The following HMOX1 variants were observed in gnomAD, a reference collection of about 807,000 sequenced individuals.
The protein encoded by HMOX1 is heat shock protein, 32-kD.
In HMOX1, 22 loss-of-function variants were observed where a neutral mutation model predicts 27.8. The ratio of observed to expected loss-of-function variants is 0.79; its 90% CI spans 0.57 to 1.13. HMOX1 has a LOEUF of 1.13. Among genes scored for constraint, HMOX1 ranks in the 50% most tolerant of loss-of-function variants. The probability of loss-of-function intolerance (pLI) is 0.00; values close to 1 mark genes in which losing one functional copy is unlikely to be tolerated. For synonymous variants in HMOX1, 153 were observed against 151.6 expected (o/e 1.01, Z -0.07); for missense variants, 379 against 377.7 (o/e 1.00, Z -0.03).
rs987873847 is a variant in HMOX1 at position 35,390,031 on chromosome 22, G to A, written c.736+68G>A. 55 of 1,037,434 alleles carry A rather than the reference G, an allele frequency of 5.3e-5. No homozygotes were observed. In the African/African-American group the frequency reaches 7.0e-4, roughly 13 times the overall value. The allele number at this position is 1,037,434 out of a possible 1,614,324, so 64.3% of individuals were successfully genotyped here. ...GGAGGGACTTGGCTGTCTGACTGTA[G>A]TATCTCTATTCCTCTGTTTTCTGAA... On this transcript the variant is annotated intron_variant, in intron 4 of 4. Coordinates refer to ENST00000216117, the MANE Select transcript of HMOX1 (RefSeq NM_002133.3).
Position 35,383,622 on chromosome 22 carries a change from C to T in HMOX1, c.144+396C>T, listed in dbSNP as rs191683191. Reference sequence around the variant, plus strand: ...GGAAAAGGCTGAAATCAACCAAGACCGATTTCAGCCTTGTACTCCTTGTAT... The same window carrying T: ...GGAAAAGGCTGAAATCAACCAAGACTGATTTCAGCCTTGTACTCCTTGTAT... On this transcript the variant is annotated intron_variant, in intron 2 of 4. Coordinates refer to ENST00000216117, the MANE Select transcript of HMOX1 (RefSeq NM_002133.3). Among the ~76,000 whole-genome samples the T allele has an allele frequency of 4.6e-5, 7 of 152,240 alleles. No individual in the cohort carries two copies. In the East Asian group the frequency reaches 9.6e-4, roughly 21 times the overall value.
At chr22:35,386,634 G>A in intron 2 of HMOX1, 51 bp from the exon 3 acceptor site, 1 of 1,613,040 alleles carries the variant, frequency 6.2e-7, no homozygotes, top group Non-Finnish European at 8.5e-7. Context: ...ACGGACAGAG[G>A]TGGGGGTCTT....
At chr22:35,385,501 A>G (rs1390091473) in intron 2 of HMOX1, among the ~76,000 whole-genome samples, 2 of 146,116 alleles carry the variant, frequency 1.4e-5, no homozygotes, top group African/African-American at 2.6e-5. Context: ...GTACAGTGAT[A>G]TGATCACAGC....
Position 35,389,284 on chromosome 22 carries a change from TC to T in HMOX1, c.637-579del, listed in dbSNP as rs1160586328. Among the ~76,000 whole-genome samples, 148 of 108,918 alleles carry T rather than the reference TC, an allele frequency of 1.4e-3. 16 individuals are homozygous for T. The highest frequency in any genetic ancestry group is 4.1e-3 in the African/African-American group (89 of 21,614). 71.5% of individuals were successfully genotyped at this position (108,918 alleles called of 152,430 possible). On this transcript the variant is annotated intron_variant, in intron 3 of 4. Coordinates refer to ENST00000216117, the MANE Select transcript of HMOX1 (RefSeq NM_002133.3). Reference sequence around the variant, plus strand: ...TCTCTCTCTCTCTCTCCTCTCTCTCTCTCTCTTCTTTCTTCTTTCTTTCTTT... The same window carrying T: ...TCTCTCTCTCTCTCTCCTCTCTCTCTTCTCTTCTTTCTTCTTTCTTTCTTT...
At chr22:35,382,948 G>A (rs1357605116) in intron 1 of HMOX1, among the ~76,000 whole-genome samples, 158 bp from the exon 2 acceptor site, 2 of 152,150 alleles carry the variant, frequency 1.3e-5, no homozygotes, top group Admixed American at 6.5e-5. Context: ...GTGAGCCACC[G>A]TGCCCAGCCA....
At chr22:35,385,684 C>T (rs945980218) in intron 2 of HMOX1, among the ~76,000 whole-genome samples, 5 of 147,234 alleles carry the variant, frequency 3.4e-5, no homozygotes, top group African/African-American at 1.0e-4. Flanking sequence ...GGCGTGATCT[C>T]GGCTCACTGC....
At chr22:35,382,978 G>T (rs772141553) in intron 1 of HMOX1, 128 bp from the exon 2 acceptor site, 6 of 1,321,374 alleles carry the variant, frequency 4.5e-6, no homozygotes, top group African/African-American at 1.5e-5. Context: ...ATCTTAAAGC[G>T]ATTGAGAACG....
At chr22:35,390,436 C>A in intron 4 of HMOX1, 1 of 221,950 alleles carries the variant, frequency 4.5e-6, no homozygotes, top group South Asian at 6.4e-5. Context: ...ACCATGTTGG[C>A]CAGGCTGGTC....
At chr22:35,389,031 C>T (rs548594381) in intron 3 of HMOX1, among the ~76,000 whole-genome samples, 25 of 152,248 alleles carry the variant, frequency 1.6e-4, no homozygotes, top group African/African-American at 4.3e-4. Context: ...AAACAAGCAA[C>T]GCAGCCTTTT....
chr22:35,389,954 A>G lies in HMOX1; in HGVS notation c.727A>G (p.Lys243Glu), dbSNP rs2145770929. ...AGGGCTTCGCCAGCGGGCCAGCAACAAAGTGCAAGGTGAGAGCATCCAGGA... is the reference window on the plus strand; with the variant it reads ...AGGGCTTCGCCAGCGGGCCAGCAACGAAGTGCAAGGTGAGAGCATCCAGGA... ...APGLRQRASN[K>E]VQDSAPVETP... The change falls in exon 4 of 5, where the codon AAA becomes GAA. Residue 243 changes from lysine to glutamate, a missense_variant. Coordinates refer to ENST00000216117, the MANE Select transcript of HMOX1 (RefSeq NM_002133.3). 1.9e-6 allele frequency: 3 copies of G among 1,610,454 alleles called. No homozygotes were observed. Among genetic ancestry groups the G allele is most frequent in the East Asian group, 4.5e-5 (2 of 44,856 alleles).
chr22:35,381,464 CA>C, intron 1 of HMOX1: 1 of 539,748 alleles, frequency 1.9e-6, no homozygotes, highest in Non-Finnish European at 3.3e-6. Context: ...TTGAGGTAGC[CA>C]ATTTTTTTTT....
At chr22:35,381,895 A>G (rs1931394869) in intron 1 of HMOX1, among the ~76,000 whole-genome samples, 1 of 152,086 alleles carries the variant, frequency 6.6e-6, no homozygotes, top group South Asian at 2.1e-4. Flanking sequence ...ACAGGGAAGC[A>G]GGGCAGGAGA....
At position 35,388,484 on chromosome 22, in the gene HMOX1, C is replaced by CA. The variant is rs965782026; in HGVS notation, c.636+1317dup. On this transcript the variant is annotated intron_variant, in intron 3 of 4. Coordinates refer to ENST00000216117, the MANE Select transcript of HMOX1 (RefSeq NM_002133.3). ...AAAACCAAAAAAACAAAAACAAAAA[C>CA]AAAAAAAAACGGCTCTTGGCTGGCC... Among the ~76,000 whole-genome samples the CA allele has an allele frequency of 2.9e-4, 41 of 143,188 alleles. 1 individual carries two copies. The highest frequency in any genetic ancestry group is 1.8e-3 in the Admixed American group (26 of 14,360). The allele number at this position is 143,188 out of a possible 152,430, so 93.9% of individuals were successfully genotyped here. A position where few individuals can be genotyped will look rare whatever the true frequency, so the allele number is the denominator to read the frequency against.
In HMOX1 at chr22:35,394,185, A is replaced by G. The variant is rs1931800937; in HGVS notation, c.*587A>G. ...CTTGGTCTAACTTTTGTGTGAAATA[A>G]TAAACAACATTGTCTGATAGTAGCT... On this transcript the variant is annotated 3_prime_UTR_variant, in exon 5 of 5. Coordinates refer to ENST00000216117, the MANE Select transcript of HMOX1 (RefSeq NM_002133.3). 1 of 172,920 alleles carries G rather than the reference A, an allele frequency of 5.8e-6. No homozygotes were observed. The allele number at this position is 172,920 out of a possible 1,614,324, so 10.7% of individuals were successfully genotyped here.
In HMOX1 at chr22:35,390,022, C is replaced by G. The variant is rs9619539; in HGVS notation, c.736+59C>G. Reference sequence around the variant, plus strand: ...GCTACACATGGAGGGACTTGGCTGTCTGACTGTAGTATCTCTATTCCTCTG... The same window carrying G: ...GCTACACATGGAGGGACTTGGCTGTGTGACTGTAGTATCTCTATTCCTCTG... On this transcript the variant is annotated intron_variant, in intron 4 of 4. Coordinates refer to ENST00000216117, the MANE Select transcript of HMOX1 (RefSeq NM_002133.3). The G allele has an allele frequency of 1.7e-3, 1,765 of 1,030,280 alleles. 20 individuals are homozygous for G. In the African/African-American group the frequency reaches 0.025, roughly 15 times the overall value. The allele number at this position is 1,030,280 out of a possible 1,614,324, so 63.8% of individuals were successfully genotyped here.
chr22:35,381,331 T>C (rs1601738525), intron 1 of HMOX1, 135 bp downstream of exon 1: 4 of 1,033,094 alleles, frequency 3.9e-6, no homozygotes, highest in Non-Finnish European at 5.7e-6. Context: ...AGTCAGGAGG[T>C]GCGGGGTTCT....
chr22:35,381,424 A>G, intron 1 of HMOX1: 1 of 604,018 alleles, frequency 1.7e-6, no homozygotes, highest in South Asian at 2.0e-5. Context: ...TTGGTGACCA[A>G]GATGGGAGTG....
chr22:35,381,615 C>T (rs1294567086), intron 1 of HMOX1, among the ~76,000 whole-genome samples: 3 of 152,096 alleles, frequency 2.0e-5, no homozygotes, highest in Non-Finnish European at 4.4e-5. Flanking sequence ...AGCCAGACAT[C>T]ACCCTGGCTG....
At chr22:35,388,656 G>A (rs992041353) in intron 3 of HMOX1, among the ~76,000 whole-genome samples, 1 of 151,576 alleles carries the variant, frequency 6.6e-6, no homozygotes, top group African/African-American at 2.4e-5. Flanking sequence ...AATTAGCTGG[G>A]CATGGTGGTG....
Sources: allele counts gnomAD v4.1 joint callset (sites outside exome capture counted in the v4.1 genomes callset), GRCh38; gene constraint gnomAD v4.1.1; transcripts MANE v1.5; gene names NCBI Gene and HGNC (gene_info 2026-07-23, HGNC 2026-07-21).